Variants in NCKAP5 observed in about 807,000 individuals in gnomAD.
The protein encoded by NCKAP5 is NCK associated protein 5, also known as nck-associated protein 5.
In NCKAP5, 92 loss-of-function variants were observed where a neutral mutation model predicts 167.0. That is an observed-to-expected ratio of 0.55 (90% CI 0.47 to 0.66). The LOEUF is 0.66. Ranked by LOEUF, NCKAP5 falls within the 30% of genes least tolerant of loss-of-function variation. The pLI is 0.00. For missense variants in NCKAP5, 2,378 were observed against 2,315.0 expected (o/e 1.03, Z -0.56); for synonymous variants, 891 against 877.4 (o/e 1.02, Z -0.27).
At chr2:133,629,216 G>T in the NCKAP5 span, among the ~76,000 whole-genome samples, 7 of 152,234 alleles carry the variant, frequency 4.6e-5, no homozygotes, top group East Asian at 7.7e-4. Context: ...CACAATGGGA[G>T]AAAATTTTTG....
the NCKAP5 span, among the ~76,000 whole-genome samples, chr2:133,582,958 T>C: frequency 2.0e-5 from 3 of 152,346 alleles, no homozygotes; most frequent in South Asian, 4.1e-4. Flanking sequence ...TTTGTGGTCA[T>C]ACCCCCTGTT....
intron 3 of NCKAP5, among the ~76,000 whole-genome samples, chr2:133,308,757 G>A (rs935768853): frequency 7.6e-5 from 10 of 130,774 alleles, no homozygotes; most frequent in African/African-American, 2.0e-4. Context: ...GCCGGACTGC[G>A]GACTGCAGTG....
intron 3 of NCKAP5, among the ~76,000 whole-genome samples, chr2:133,467,675 C>T (rs1025569408): frequency 3.1e-4 from 47 of 150,060 alleles, no homozygotes; most frequent in African/African-American, 1.1e-3. Flanking sequence ...TTGATTATTG[C>T]CACAATTTCA....
At chr2:133,123,747 T>C (rs1448451897) in intron 6 of NCKAP5, 1 of 471,120 alleles carries the variant, frequency 2.1e-6, no homozygotes, top group Non-Finnish European at 4.4e-6. Flanking sequence ...GTGCTGATGC[T>C]TGTCCAAAGG....
At chr2:132,765,857 A>C (rs1184254317) in intron 16 of NCKAP5, among the ~76,000 whole-genome samples, 1 of 152,210 alleles carries the variant, frequency 6.6e-6, no homozygotes, top group Non-Finnish European at 1.5e-5. Context: ...AGGATGGGGC[A>C]ACTGCTAGGA....
intron 5 of NCKAP5, among the ~76,000 whole-genome samples, chr2:133,187,759 G>T (rs960031117): frequency 1.3e-5 from 2 of 151,856 alleles, no homozygotes; most frequent in African/African-American, 4.8e-5. Context: ...TTTGATCTTT[G>T]TTGGTTTAAA....
intron 2 of NCKAP5, among the ~76,000 whole-genome samples, chr2:133,520,217 A>G (rs935034152): frequency 7.9e-5 from 12 of 152,168 alleles, no homozygotes; most frequent in African/African-American, 2.9e-4. Flanking sequence ...AAAAATAAAA[A>G]GAGAGAGAGG....
At chr2:132,798,479 C>A (rs1684778800) in intron 11 of NCKAP5, among the ~76,000 whole-genome samples, 1 of 152,132 alleles carries the variant, frequency 6.6e-6, no homozygotes, top group Non-Finnish European at 1.5e-5. Flanking sequence ...TGACATTCAA[C>A]AAAAGAAATG....
chr2:133,629,789 T>G, the NCKAP5 span, among the ~76,000 whole-genome samples: 1 of 152,198 alleles, frequency 6.6e-6, no homozygotes, highest in African/African-American at 2.4e-5. Context: ...CATGGAATAT[T>G]ATGTAGCCAT....
chr2:132,784,289 G>C lies in NCKAP5; in HGVS notation c.2522C>G (p.Pro841Arg). ...VTLEKSPALA[P>R]GKLSRFMKTE... The stretch of plus-strand genomic sequence containing the variant: ...CTTCATGAATCGTGAGAGTTTCCCA[G>C]GAGCTAAGGCTGGTGATTTTTCAAG... The change falls in exon 14 of 20, where the codon CCT becomes CGT. Residue 841 changes from proline to arginine, a missense_variant. Transcript: ENST00000409261. The C allele has an allele frequency of 6.2e-7, 1 of 1,613,400 alleles. No individual in the cohort carries two copies.
At chr2:133,644,124 G>C in the NCKAP5 span, among the ~76,000 whole-genome samples, 1 of 152,240 alleles carries the variant, frequency 6.6e-6, no homozygotes, top group East Asian at 1.9e-4. Flanking sequence ...CATTATTCTG[G>C]GTATGTCTGT....
chr2:133,020,083 T>A (rs536840475), intron 6 of NCKAP5, among the ~76,000 whole-genome samples: 24 of 152,368 alleles, frequency 1.6e-4, no homozygotes, highest in African/African-American at 5.0e-4. Flanking sequence ...AAGCTAATTA[T>A]AACTGAAGTC....
intron 6 of NCKAP5, among the ~76,000 whole-genome samples, chr2:133,109,489 G>A (rs2081836879): frequency 6.6e-6 from 1 of 152,098 alleles, no homozygotes; most frequent in East Asian, 1.9e-4. Context: ...CTGTCTGATA[G>A]TTACTGCCGA....
chr2:133,447,764 G>A (rs777488395), intron 3 of NCKAP5, among the ~76,000 whole-genome samples: 2 of 152,108 alleles, frequency 1.3e-5, no homozygotes, highest in Non-Finnish European at 2.9e-5. Flanking sequence ...GGGATTACAG[G>A]TGTAAGCCAC....
At chr2:132,913,857 C>G (rs990497033) in intron 8 of NCKAP5, among the ~76,000 whole-genome samples, 9 of 152,116 alleles carry the variant, frequency 5.9e-5, no homozygotes, top group Admixed American at 5.9e-4. Flanking sequence ...TTCTCTCTAT[C>G]CTCTATTAGC....
At chr2:133,431,311 AT>A (rs1409878726) in intron 3 of NCKAP5, among the ~76,000 whole-genome samples, 7 of 152,286 alleles carry the variant, frequency 4.6e-5, no homozygotes, top group African/African-American at 1.2e-4. Flanking sequence ...TAAACTGGCC[AT>A]TTCAAGTTGT....
At chr2:133,657,635 T>C in the NCKAP5 span, among the ~76,000 whole-genome samples, 1 of 152,152 alleles carries the variant, frequency 6.6e-6, no homozygotes, top group Non-Finnish European at 1.5e-5. Context: ...AACAAATTAA[T>C]GCTTTTCATG....
chr2:133,040,313 G>A (rs2079170794), intron 6 of NCKAP5, among the ~76,000 whole-genome samples: 1 of 152,096 alleles, frequency 6.6e-6, no homozygotes, highest in Non-Finnish European at 1.5e-5. Flanking sequence ...GCTATTAAAA[G>A]TAATGGCGAA....
At chr2:132,756,638 T>G (rs1164780730) in intron 16 of NCKAP5, among the ~76,000 whole-genome samples, 1 of 151,562 alleles carries the variant, frequency 6.6e-6, no homozygotes, top group East Asian at 2.0e-4. Flanking sequence ...GGAAAGGGAC[T>G]GATTTATTTA....
Sources: gnomAD v4.1 joint callset for allele counts (sites outside exome capture counted in the v4.1 genomes callset) on GRCh38, gnomAD v4.1.1 for gene constraint, MANE v1.5 for transcripts, NCBI Gene and HGNC (gene_info 2026-07-23, HGNC 2026-07-21) for gene names.